Variants in KCTD2 observed in about 807,000 individuals in gnomAD.
KCTD2 encodes the protein BTB/POZ domain-containing protein KCTD2.
Under a neutral mutation model 27.9 loss-of-function variants are expected in KCTD2, and 18 were observed. The ratio of observed to expected loss-of-function variants is 0.64; its 90% confidence interval spans 0.45 to 0.96. The LOEUF (loss-of-function observed/expected upper bound fraction) is 0.96. Among genes scored for constraint, KCTD2 ranks in the 40% least tolerant of loss-of-function variants. The pLI, the probability that KCTD2 is intolerant of heterozygous loss-of-function variation, is 0.00. For synonymous variants in KCTD2, 175 were observed against 148.4 expected, an observed-to-expected ratio of 1.18 and a Z score of -1.30; for missense variants, 280 against 348.0, an observed-to-expected ratio of 0.80 and a Z score of 1.56.
Position 75,063,152 on chromosome 17 carries a change from G to A in KCTD2, c.*105G>A. 9.6e-7 allele frequency: 1 copy of A among 1,046,638 alleles called. No individual in the cohort carries two copies. The highest frequency in any genetic ancestry group is 1.5e-6 in the Non-Finnish European group (1 of 675,140). The allele number at this position is 1,046,638 out of a possible 1,614,324, so 64.8% of individuals were successfully genotyped here. A position where few individuals can be genotyped will look rare whatever the true frequency, so the allele number is the denominator to read the frequency against. ...AGTGACCGAGCCACTGCAAAGCACA[G>A]CTGATCCTGGCCCCCTGTGAAGAAG... On this transcript the variant is annotated 3_prime_UTR_variant, in exon 6 of 6. Transcript: ENST00000322444.
intron 3 of KCTD2, among the ~76,000 whole-genome samples, chr17:75,035,643 C>T (rs1567985497): frequency 6.6e-6 from 1 of 152,120 alleles, no homozygotes; most frequent in Non-Finnish European, 1.5e-5. Flanking sequence ...CATGGTGAAA[C>T]CCCGTCTCTA....
At chr17:75,039,278 G>A (rs942842290) in intron 3 of KCTD2, 3 of 1,613,898 alleles carry the variant, frequency 1.9e-6, no homozygotes, top group Non-Finnish European at 2.5e-6. Flanking sequence ...TCACCTTTAA[G>A]AAGAAAGAGA....
chr17:75,043,599 G>A (rs1432150121), upstream of KCTD2, among the ~76,000 whole-genome samples: 2 of 141,744 alleles, frequency 1.4e-5, no homozygotes, highest in African/African-American at 5.5e-5. Flanking sequence ...GACACAGAGT[G>A]AGACTCTGTC....
intron 3 of KCTD2, among the ~76,000 whole-genome samples, chr17:75,053,857 G>GTTTTT (rs1567992373): frequency 1.6e-4 from 13 of 79,524 alleles, no homozygotes; most frequent in South Asian, 4.2e-4. Context: ...TGTGAACCAT[G>GTTTTT]CTTTTTTTTT....
upstream of KCTD2, chr17:75,042,401 C>G: frequency 6.7e-7 from 1 of 1,501,958 alleles, no homozygotes; most frequent in Non-Finnish European, 9.0e-7. Flanking sequence ...CTAAGATCAT[C>G]ATGAAAATGC....
Position 75,062,246 on chromosome 17 carries a change from G to A in KCTD2, c.762+1G>A. 1 of 1,610,816 alleles carries A rather than the reference G, an allele frequency of 6.2e-7. No individual in the cohort carries two copies. The highest frequency in any genetic ancestry group is 8.5e-7 in the Non-Finnish European group (1 of 1,178,682). On this transcript the variant is annotated splice_donor_variant, in intron 5 of 5. Coordinates refer to ENST00000322444, the MANE Select transcript of KCTD2 (RefSeq NM_015353.3). LOFTEE classifies it high-confidence loss of function. ...CATAGAGCCGAGCGAAAAGGCGAAG[G>A]TAAGGAGCCCCTTCCCTGGGCAGTT...
intron 3 of KCTD2, among the ~76,000 whole-genome samples, chr17:75,055,832 TA>T (rs1271178318): frequency 3.0e-3 from 342 of 113,136 alleles, no homozygotes; most frequent in Admixed American, 3.4e-3. Context: ...AACTCCCATC[TA>T]AAAAAAAAAA....
Position 75,057,633 on chromosome 17 carries a change from C to T in KCTD2, c.541-1877C>T, listed in dbSNP as rs545839871. ...GGAGTGCAATGGCGCGATCTCAGCTCGCTGCAACTTCTGCCTCCGGGGTTC... is the reference window on the plus strand; with the variant it reads ...GGAGTGCAATGGCGCGATCTCAGCTTGCTGCAACTTCTGCCTCCGGGGTTC... On this transcript the variant is annotated intron_variant, in intron 3 of 5. Coordinates refer to ENST00000322444, the MANE Select transcript of KCTD2 (RefSeq NM_015353.3). Among the ~76,000 whole-genome samples the T allele has an allele frequency of 6.7e-5, 10 of 150,206 alleles. No individual in the cohort carries two copies. In the South Asian group the frequency reaches 1.7e-3, roughly 25 times the overall value.
At chr17:75,058,962 G>T (rs1468495306) in intron 3 of KCTD2, among the ~76,000 whole-genome samples, 1 of 152,018 alleles carries the variant, frequency 6.6e-6, no homozygotes, top group African/African-American at 2.4e-5. Context: ...GCCGGGCGTG[G>T]TGGCGGGTGC....
rs189123963 is a variant in KCTD2, at chr17:75,040,470, G to A, written c.-259+5113G>A. 225 of 388,252 alleles carry A rather than the reference G, an allele frequency of 5.8e-4. 1 individual carries two copies. Among genetic ancestry groups the A allele is most frequent in the African/African-American group, 4.5e-3 (215 of 48,250 alleles). The allele number at this position is 388,252 out of a possible 1,614,324, so 24.1% of individuals were successfully genotyped here. A position where few individuals can be genotyped will look rare whatever the true frequency, so the allele number is the denominator to read the frequency against. On this transcript the variant is annotated intron_variant, in intron 3 of 7. Coordinates refer to the KCTD2 transcript ENST00000581589. ...TCTGAAAAGGACAGCTGGACTTGAT[G>A]ACCAAAAAATGGCCTCTTAGCACCT...
chr17:75,044,799 A>G (rs1361279974), upstream of KCTD2, among the ~76,000 whole-genome samples: 2 of 152,246 alleles, frequency 1.3e-5, no homozygotes, highest in Admixed American at 1.3e-4. Flanking sequence ...AATCTCTATA[A>G]GCTTGGAGTG....
chr17:75,042,048 C>T (rs2144912715), intron 3 of KCTD2: 1 of 724,536 alleles, frequency 1.4e-6, no homozygotes, highest in Non-Finnish European at 2.3e-6. Context: ...ACCACAAGGC[C>T]TTTGGCCATA....
chr17:75,055,001 A>G (rs1567992780), intron 3 of KCTD2, among the ~76,000 whole-genome samples: 1 of 152,104 alleles, frequency 6.6e-6, no homozygotes, highest in Non-Finnish European at 1.5e-5. Context: ...TGCTTTAGGT[A>G]TAATCTATTG....
intron 3 of KCTD2, chr17:75,038,978 T>C (rs1431223694): frequency 1.9e-6 from 3 of 1,614,106 alleles, no homozygotes; most frequent in Admixed American, 3.3e-5. Context: ...ATACTTTTTC[T>C]TGTCTAATTT....
chr17:75,061,918 C>T (rs564234947), intron 4 of KCTD2, among the ~76,000 whole-genome samples: 31 of 152,254 alleles, frequency 2.0e-4, no homozygotes, highest in Non-Finnish European at 3.2e-4. Context: ...ACTCTTCCTC[C>T]TGGGGAGGCC....
At chr17:75,051,491 G>C (rs1419612996) in intron 2 of KCTD2, among the ~76,000 whole-genome samples, 2 of 150,972 alleles carry the variant, frequency 1.3e-5, no homozygotes, top group African/African-American at 2.4e-5. Context: ...TCACCATGTT[G>C]GTCAGGCTGG....
rs1195863110 is a variant in KCTD2 at position 75,065,131 on chromosome 17, A to C, written c.*2084A>C. On this transcript the variant is annotated 3_prime_UTR_variant, in exon 6 of 6. Coordinates refer to ENST00000322444, the MANE Select transcript of KCTD2 (RefSeq NM_015353.3). ...CCTCTTAGATTCCATAGTTGCCGCC[A>C]TGAAAAGACTGCTCTTGAGCCCCAA... 1.3e-5 allele frequency: 2 copies of C among 152,002 alleles called. No individual in the cohort carries two copies. The highest frequency in any genetic ancestry group is 2.9e-5 in the Non-Finnish European group (2 of 68,006). 9.4% of individuals were successfully genotyped at this position (152,002 alleles called of 1,614,324 possible). A position where few individuals can be genotyped will look rare whatever the true frequency, so the allele number is the denominator to read the frequency against.
At chr17:75,059,640 C>T (rs200237013) in intron 4 of KCTD2, 35 bp downstream of exon 4, 15 of 1,515,818 alleles carry the variant, frequency 9.9e-6, no homozygotes, top group Admixed American at 3.4e-5. Flanking sequence ...TCCCAGGCCC[C>T]GTTCAAGGGG....
At chr17:75,043,204 C>T (rs1447879207), upstream of KCTD2, among the ~76,000 whole-genome samples, 2 of 152,182 alleles carry the variant, frequency 1.3e-5, no homozygotes, top group African/African-American at 4.8e-5. Context: ...CTGGGCAACA[C>T]AGCAAGAGTC....
Sources: allele counts gnomAD v4.1 joint callset (sites outside exome capture counted in the v4.1 genomes callset), GRCh38; gene constraint gnomAD v4.1.1; transcripts MANE v1.5; gene names NCBI Gene and HGNC (gene_info 2026-07-23, HGNC 2026-07-21).